The following MBNL2 variants were observed in gnomAD, a reference collection of about 807,000 sequenced individuals.
The protein encoded by MBNL2 is muscleblind-like protein 2.
A neutral mutation model predicts 41.9 loss-of-function variants in MBNL2; 17 were observed. The ratio of observed to expected loss-of-function variants is 0.41; its 90% CI spans 0.28 to 0.61. MBNL2 has a LOEUF of 0.61. Among genes scored for constraint, MBNL2 ranks in the 20% least tolerant of loss-of-function variants. The pLI, the probability that MBNL2 is intolerant of heterozygous loss-of-function variation, is 0.35. For missense variants in MBNL2, 336 were observed against 505.6 expected, an observed-to-expected ratio of 0.66 and a Z score of 3.22; for synonymous variants, 195 against 182.9, an observed-to-expected ratio of 1.07 and a Z score of -0.53.
chr13:97,284,972 G>A (rs567747385), intron 2 of MBNL2, among the ~76,000 whole-genome samples: 170 of 152,160 alleles, frequency 1.1e-3, no homozygotes, highest in Non-Finnish European at 2.0e-3. Flanking sequence ...TTTGTTAGTC[G>A]GTGTATCAGT....
At chr13:97,178,415 TG>T in the MBNL2 span, among the ~76,000 whole-genome samples, 1 of 152,210 alleles carries the variant, frequency 6.6e-6, no homozygotes, top group Non-Finnish European at 1.5e-5. Context: ...GTGTACTTTG[TG>T]GCTCAACATG....
At position 97,343,110 on chromosome 13, in the gene MBNL2, C is replaced by T. The variant is rs1219508511; in HGVS notation, c.434C>T (p.Pro145Leu). The change falls in exon 4 of 9, where the codon CCA (proline) becomes CTA (leucine). Residue 145 changes from proline (P) to leucine (L), a missense_variant. Physicochemically the swap from Pro to Leu is moderately conservative, Grantham distance 98 (BLOSUM62 -3). Coordinates refer to ENST00000679496, the MANE Select transcript of MBNL2 (RefSeq NM_001382683.1). Reference protein sequence around the residue: ...APVTPGVGLVPTEILPTTPVI... With the variant: ...APVTPGVGLVLTEILPTTPVI... The stretch of plus-strand genomic sequence containing the variant: ...GTAACCCCTGGAGTTGGGTTGGTCC[C>T]AACGGAAATTCTGCCCACCACGCCT... 8.1e-6 allele frequency: 13 copies of T among 1,613,854 alleles called. No homozygotes were observed. The highest frequency in any genetic ancestry group is 1.1e-5 in the Non-Finnish European group (13 of 1,179,866).
At position 97,334,154 on chromosome 13, in the gene MBNL2, A is replaced by C. The variant is rs552708559; in HGVS notation, c.175-122A>C. ...TGAGCATGCGCGCGCACACCCACAC[A>C]CACACACACACACACACACACAGGA... On this transcript the variant is annotated intron_variant, in intron 2 of 8. Transcript: ENST00000679496. This position sits in a 1 kb window ranked among gnomAD's most constrained non-coding sequence, Gnocchi z 5.3. 4.2e-5 allele frequency: 28 copies of C among 671,810 alleles called. No homozygotes were observed. Among genetic ancestry groups the C allele is most frequent in the Admixed American group, 6.2e-5 (2 of 32,230 alleles). 41.6% of individuals were successfully genotyped at this position (671,810 alleles called of 1,614,324 possible). A position where few individuals can be genotyped will look rare whatever the true frequency, so the allele number is the denominator to read the frequency against.
intron 8 of MBNL2, among the ~76,000 whole-genome samples, chr13:97,386,053 A>AG (rs2065896648): frequency 6.6e-6 from 1 of 152,216 alleles, no homozygotes; most frequent in Non-Finnish European, 1.5e-5. Context: ...GACTCAGTCA[A>AG]GGGAGGGTTG....
chr13:97,229,247 G>A (rs1031341803), intron 1 of MBNL2, among the ~76,000 whole-genome samples: 2 of 151,228 alleles, frequency 1.3e-5, no homozygotes, highest in Admixed American at 6.6e-5. Context: ...TCAGGAAAGT[G>A]GAGCTCAGTT....
chr13:97,358,109 C>G (rs1029179459), intron 7 of MBNL2, among the ~76,000 whole-genome samples: 1 of 152,208 alleles, frequency 6.6e-6, no homozygotes, highest in African/African-American at 2.4e-5. Flanking sequence ...CTATCTCTTT[C>G]TCCATCCTTC....
At chr13:97,146,865 A>G in the MBNL2 span, among the ~76,000 whole-genome samples, 1 of 152,184 alleles carries the variant, frequency 6.6e-6, no homozygotes, top group African/African-American at 2.4e-5. Context: ...CCCTCTCAAG[A>G]AAAACCATAC....
At chr13:97,143,895 G>A in the MBNL2 span, among the ~76,000 whole-genome samples, 1 of 152,164 alleles carries the variant, frequency 6.6e-6, no homozygotes, top group African/African-American at 2.4e-5. Flanking sequence ...CCAGGCTGGA[G>A]TGCAGTGGCA....
intron 2 of MBNL2, among the ~76,000 whole-genome samples, chr13:97,285,335 C>CAAAT (rs1226886074): frequency 6.6e-6 from 1 of 152,020 alleles, no homozygotes; most frequent in Non-Finnish European, 1.5e-5. Context: ...CAAAAGGGGG[C>CAAAT]AAATAAAAAG....
At chr13:97,380,031 G>A (rs2065290105) in intron 8 of MBNL2, among the ~76,000 whole-genome samples, 1 of 152,154 alleles carries the variant, frequency 6.6e-6, no homozygotes, top group Non-Finnish European at 1.5e-5. Context: ...AAATCTTATA[G>A]TATAAAATGG....
At chr13:97,273,471 A>G (rs1200595921) in intron 1 of MBNL2, among the ~76,000 whole-genome samples, 1 of 152,206 alleles carries the variant, frequency 6.6e-6, no homozygotes, top group African/African-American at 2.4e-5. Context: ...GCTTCTGTGA[A>G]TGCAGCGTTG....
At chr13:97,322,049 A>G (rs1201971970) in intron 2 of MBNL2, among the ~76,000 whole-genome samples, 1 of 152,242 alleles carries the variant, frequency 6.6e-6, no homozygotes, top group Non-Finnish European at 1.5e-5. Flanking sequence ...TATCGAGGGC[A>G]GGGCCACAGC....
At chr13:97,196,952 T>C in the MBNL2 span, among the ~76,000 whole-genome samples, 1 of 152,178 alleles carries the variant, frequency 6.6e-6, no homozygotes, top group Admixed American at 6.5e-5. Flanking sequence ...ATTCAGATTG[T>C]TTACATAGAC....
intron 8 of MBNL2, among the ~76,000 whole-genome samples, chr13:97,377,726 T>G (rs962827419): frequency 3.3e-5 from 5 of 152,222 alleles, no homozygotes; most frequent in African/African-American, 4.8e-5. Context: ...TTCTTTGCTT[T>G]TCTCTGAACC....
chr13:97,160,138 A>G, the MBNL2 span, among the ~76,000 whole-genome samples: 3 of 152,176 alleles, frequency 2.0e-5, no homozygotes, highest in African/African-American at 7.2e-5. Context: ...TGTTTAAAAA[A>G]CACTATTGCT....
intron 2 of MBNL2, among the ~76,000 whole-genome samples, chr13:97,302,116 C>T (rs1170569172): frequency 2.6e-5 from 4 of 152,176 alleles, no homozygotes; most frequent in Non-Finnish European, 4.4e-5. Flanking sequence ...CTTGCTTCTG[C>T]CCCGTGAAGG....
chr13:97,320,974 C>T (rs2059452390), intron 2 of MBNL2, among the ~76,000 whole-genome samples: 1 of 152,084 alleles, frequency 6.6e-6, no homozygotes, highest in Non-Finnish European at 1.5e-5. Flanking sequence ...TCCCTCTATG[C>T]ATGGATCTCT....
At position 97,366,741 on chromosome 13, in the gene MBNL2, A is replaced by G; in HGVS notation, c.1048+1570A>G. 1.5e-6 allele frequency: 1 copy of G among 662,826 alleles called. No individual in the cohort carries two copies. The highest frequency in any genetic ancestry group is 2.7e-6 in the Non-Finnish European group (1 of 369,648). The allele number at this position is 662,826 out of a possible 1,614,324, so 41.1% of individuals were successfully genotyped here. On this transcript the variant is annotated intron_variant, in intron 8 of 8. Coordinates refer to ENST00000679496, the MANE Select transcript of MBNL2 (RefSeq NM_001382683.1). This position sits in a 1 kb window ranked among gnomAD's most constrained non-coding sequence, Gnocchi z 4.7. Reference sequence around the variant, plus strand: ...TTAGAGTTAACATTTACTGCAAATAATGATGTAGCTATGTTTTGTGTTGCA... The same window carrying G: ...TTAGAGTTAACATTTACTGCAAATAGTGATGTAGCTATGTTTTGTGTTGCA...
At chr13:97,294,019 C>CT (rs995180401) in intron 2 of MBNL2, among the ~76,000 whole-genome samples, 3 of 151,374 alleles carry the variant, frequency 2.0e-5, no homozygotes, top group East Asian at 1.9e-4. Context: ...ACCACTCCTG[C>CT]TTTTTTTTTC....
Sources: allele counts gnomAD v4.1 joint callset (sites outside exome capture counted in the v4.1 genomes callset), GRCh38; gene constraint gnomAD v4.1.1; non-coding constraint Gnocchi (gnomAD v3.1); transcripts MANE v1.5; gene names NCBI Gene and HGNC (gene_info 2026-07-23, HGNC 2026-07-21).